The following GCA variants were observed in gnomAD, a reference collection of about 807,000 sequenced individuals.
GCA encodes the protein grancalcin, also known as grancalcin, EF-hand calcium-binding protein.
GCA carries 30 observed loss-of-function variants against 32.6 expected under a neutral mutation model. The observed-to-expected ratio is 0.92, with a 90% CI of 0.69 to 1.25. The LOEUF (loss-of-function observed/expected upper bound fraction) is 1.25. Among genes scored for constraint, GCA ranks in the 50% most tolerant of loss-of-function variants. The probability of loss-of-function intolerance (pLI) is 0.00; values close to 1 mark genes in which losing one functional copy is unlikely to be tolerated. For missense variants in GCA, 291 were observed against 266.8 expected, an observed-to-expected ratio of 1.09 and a Z score of -0.63; for synonymous variants, 102 against 84.6, an observed-to-expected ratio of 1.21 and a Z score of -1.13.
At chr2:162,352,292 T>G in intron 2 of GCA, 46 bp from the exon 3 acceptor site, 4 of 1,102,804 alleles carry the variant, frequency 3.6e-6, no homozygotes, top group Non-Finnish European at 5.6e-6. Context: ...TTAATATGCT[T>G]TTATACAACT....
chr2:162,357,124 T>A, intron 5 of GCA: 1 of 415,936 alleles, frequency 2.4e-6, no homozygotes, highest in East Asian at 3.6e-5. Context: ...CATACATGCA[T>A]ACATTCTGAA....
In GCA at chr2:162,359,117, T is replaced by C. The variant is rs758883310; in HGVS notation, c.528T>C (p.Asp176=). 5 of 1,607,026 alleles carry C rather than the reference T, an allele frequency of 3.1e-6. No homozygotes were observed. The Admixed American group carries it at 5.0e-5, about 16-fold the overall frequency. ...RYSKNGRIFF[D]DYVACCVKLR... ...GCAAGAATGGCAGAATTTTCTTTGATGATTATGTTGCTTGCTGTGTGAAGC... is the reference window on the plus strand; with the variant it reads ...GCAAGAATGGCAGAATTTTCTTTGACGATTATGTTGCTTGCTGTGTGAAGC... The change falls in exon 6 of 8, where the codon GAT becomes GAC. Residue 176 remains aspartate (D), a synonymous_variant. Transcript: ENST00000437150.
chr2:162,370,982 A>G (rs1423490782), intron 4 of GCA, among the ~76,000 whole-genome samples: 1 of 151,972 alleles, frequency 6.6e-6, no homozygotes, highest in African/African-American at 2.4e-5. Context: ...CCCAGGCTGT[A>G]TGTCCGCTCA....
intron 4 of GCA, 90 bp from the exon 5 acceptor site, chr2:162,356,668 G>A: frequency 2.9e-6 from 3 of 1,034,482 alleles, no homozygotes; most frequent in Non-Finnish European, 4.3e-6. Context: ...GTTTGGCTAA[G>A]TCTACAGAAG....
intron 1 of GCA, among the ~76,000 whole-genome samples, chr2:162,332,115 C>G (rs1326647612): frequency 2.0e-5 from 3 of 151,804 alleles, no homozygotes; most frequent in Non-Finnish European, 4.4e-5. Context: ...CGAGACCATC[C>G]TGGCTAACAT....
intron 4 of GCA, among the ~76,000 whole-genome samples, chr2:162,371,122 T>G (rs1432291706): frequency 6.6e-6 from 1 of 152,120 alleles, no homozygotes; most frequent in African/African-American, 2.4e-5. Context: ...AGAAATTTGT[T>G]TTTAAGCCTT....
chr2:162,353,253 A>C (rs1685091618), intron 3 of GCA, among the ~76,000 whole-genome samples: 1 of 152,130 alleles, frequency 6.6e-6, no homozygotes, highest in African/African-American at 2.4e-5. Context: ...GCGAATCATG[A>C]GGTTAAGAGA....
intron 1 of GCA, among the ~76,000 whole-genome samples, chr2:162,329,452 ATTT>A (rs1243455876): frequency 6.6e-6 from 1 of 151,818 alleles, no homozygotes; most frequent in Non-Finnish European, 1.5e-5. Flanking sequence ...TCAACTACAA[ATTT>A]TTTTATTATC....
upstream of GCA, among the ~76,000 whole-genome samples, chr2:162,339,442 A>G (rs904212992): frequency 1.3e-5 from 2 of 152,206 alleles, no homozygotes; most frequent in African/African-American, 2.4e-5. Flanking sequence ...GGGTAGATCA[A>G]TGTGACAGAA....
chr2:162,327,837 T>G (rs1683939757), intron 1 of GCA, among the ~76,000 whole-genome samples: 1 of 152,158 alleles, frequency 6.6e-6, no homozygotes, highest in East Asian at 1.9e-4. Context: ...CTTAACATTA[T>G]AAAGAGATTA....
chr2:162,370,950 G>A (rs1180637928), intron 4 of GCA, among the ~76,000 whole-genome samples: 2 of 151,908 alleles, frequency 1.3e-5, no homozygotes, highest in African/African-American at 4.8e-5. Flanking sequence ...ATTTTTTGTA[G>A]AGGTGGGGTT....
chr2:162,324,370 C>T (rs1576252809), intron 1 of GCA, among the ~76,000 whole-genome samples: 1 of 152,186 alleles, frequency 6.6e-6, no homozygotes, highest in Middle Eastern at 3.4e-3. Flanking sequence ...GAAAGGTTTT[C>T]CCCTGGAATC....
At chr2:162,350,066 G>T (rs76342814) in intron 2 of GCA, among the ~76,000 whole-genome samples, 3,330 of 152,208 alleles carry the variant, frequency 0.022, 128 homozygotes, top group African/African-American at 0.076. Context: ...TGTAATAGAG[G>T]CTGGGGAACT....
chr2:162,354,888 G>A lies in GCA; in HGVS notation c.263-1550G>A, dbSNP rs142708939. 6.8e-4 allele frequency among the ~76,000 whole-genome samples: 104 copies of A among 152,222 alleles called. 1 individual carries two copies. The East Asian group carries it at 0.019, about 27-fold the overall frequency. ...ATCTGTCAACTTTCCTGAAAAGTCTGTCTCTCCACTCTTTGTCCTAAATAT... is the reference window on the plus strand; with the variant it reads ...ATCTGTCAACTTTCCTGAAAAGTCTATCTCTCCACTCTTTGTCCTAAATAT... On this transcript the variant is annotated intron_variant, in intron 3 of 7. Coordinates refer to ENST00000437150, the MANE Select transcript of GCA (RefSeq NM_012198.5).
At chr2:162,355,480 A>G (rs1045393314) in intron 3 of GCA, among the ~76,000 whole-genome samples, 2 of 152,106 alleles carry the variant, frequency 1.3e-5, no homozygotes, top group African/African-American at 2.4e-5. Context: ...ATTTTCATTC[A>G]TTCATATTAA....
chr2:162,371,501 C>T (rs1685944904), exon 5 of GCA: 2 of 1,236,902 alleles, frequency 1.6e-6, no homozygotes, highest in Admixed American at 5.6e-5. Context: ...TAACGAAGTA[C>T]TGGTTTAGTA....
At chr2:162,375,021 T>TAC (rs1312074587), downstream of GCA, among the ~76,000 whole-genome samples, 3 of 152,208 alleles carry the variant, frequency 2.0e-5, no homozygotes, top group Non-Finnish European at 2.9e-5. Context: ...TTATGTGTTA[T>TAC]ACATATTTTT....
At chr2:162,320,407 G>A (rs945511475) in intron 1 of GCA, among the ~76,000 whole-genome samples, 21 of 152,308 alleles carry the variant, frequency 1.4e-4, no homozygotes, top group Admixed American at 9.1e-4. Context: ...CTGCCAGTGG[G>A]TTTTATTCAA....
chr2:162,320,375 A>G lies in GCA; in HGVS notation c.-31+1150A>G, dbSNP rs559851133. Among the ~76,000 whole-genome samples, 8 of 152,338 alleles carry G rather than the reference A, an allele frequency of 5.3e-5. No homozygotes were observed. In the East Asian group the frequency reaches 1.3e-3, roughly 26 times the overall value. On this transcript the variant is annotated intron_variant, in intron 1 of 4. Coordinates refer to the GCA transcript ENST00000429691. ...GAAAATATCTTTTAAGGCTGTTGCAAAAACATACTCCTATCCCCCAGCTGC... is the reference window on the plus strand; with the variant it reads ...GAAAATATCTTTTAAGGCTGTTGCAGAAACATACTCCTATCCCCCAGCTGC...
Sources: gnomAD v4.1 joint callset for allele counts (sites outside exome capture counted in the v4.1 genomes callset) on GRCh38, gnomAD v4.1.1 for gene constraint, MANE v1.5 for transcripts, NCBI Gene and HGNC (gene_info 2026-07-23, HGNC 2026-07-21) for gene names.